Variants in WDR27 observed in about 807,000 individuals in gnomAD.
WDR27 encodes WD repeat domain 27.
In WDR27, 100 loss-of-function variants were observed where a neutral mutation model predicts 114.4. That is an observed-to-expected ratio of 0.87 (90% CI 0.74 to 1.03). The LOEUF (loss-of-function observed/expected upper bound fraction) is 1.03. Among genes scored for constraint, WDR27 ranks in the 50% least tolerant of loss-of-function variants. WDR27 has a pLI of 0.00. For synonymous variants in WDR27, 449 were observed against 423.1 expected, an observed-to-expected ratio of 1.06 and a Z score of -0.75; for missense variants, 1,129 against 1,092.9, an observed-to-expected ratio of 1.03 and a Z score of -0.47.
chr6:169,669,301 C>G (rs868745777), intron 4 of WDR27, among the ~76,000 whole-genome samples: 1 of 152,196 alleles, frequency 6.6e-6, no homozygotes, highest in African/African-American at 2.4e-5. Flanking sequence ...TCATTCTCCC[C>G]GAGTGAAGTG....
At chr6:169,499,581 TAA>T (rs1790861674) in intron 25 of WDR27, among the ~76,000 whole-genome samples, 1 of 152,230 alleles carries the variant, frequency 6.6e-6, no homozygotes, top group African/African-American at 2.4e-5. Context: ...CCTCCCCACC[TAA>T]GACAGCCAGA....
intron 18 of WDR27, among the ~76,000 whole-genome samples, chr6:169,638,208 C>T (rs1401780183): frequency 1.7e-5 from 2 of 117,468 alleles, no homozygotes; most frequent in African/African-American, 4.3e-5. Flanking sequence ...CCCAGCTACT[C>T]GGGAGGCTGA....
At chr6:169,528,484 C>A (rs1041373938) in intron 25 of WDR27, among the ~76,000 whole-genome samples, 1 of 152,176 alleles carries the variant, frequency 6.6e-6, no homozygotes, top group African/African-American at 2.4e-5. Flanking sequence ...GCCCATCCAG[C>A]CTGGGCAAAC....
chr6:169,589,724 A>G (rs1223380261), intron 23 of WDR27, among the ~76,000 whole-genome samples: 1 of 152,228 alleles, frequency 6.6e-6, no homozygotes, highest in Non-Finnish European at 1.5e-5. Flanking sequence ...TGTCATAAAT[A>G]CAGAAGGACA....
rs373371665 is a variant in WDR27, at chr6:169,627,309, A to G, written c.2223+5638T>C. ...TAATTATGCTACAAATTCACTTCCT[A>G]TATCTTCGTTCTCCAAGTCAATGCC... On this transcript the variant is annotated intron_variant, in intron 21 of 25. Transcript: ENST00000448612. Among the ~76,000 whole-genome samples the G allele has an allele frequency of 4.6e-5, 7 of 152,352 alleles. No homozygotes were observed. The East Asian group carries it at 1.2e-3, about 25-fold the overall frequency.
chr6:169,658,451 T>A (rs1188414580), intron 12 of WDR27, 93 bp from the exon 13 acceptor site: 1 of 926,292 alleles, frequency 1.1e-6, no homozygotes, highest in Non-Finnish European at 1.7e-6. Flanking sequence ...CAGTTCCAAA[T>A]GACTGATTCC....
chr6:169,605,151 A>C (rs1214749211), intron 22 of WDR27, among the ~76,000 whole-genome samples: 2 of 142,050 alleles, frequency 1.4e-5, no homozygotes, highest in African/African-American at 5.1e-5. Context: ...GAAGCATCCA[A>C]ATTGGTAAAG....
chr6:169,691,944 G>A (rs1585200214), intron 1 of WDR27, among the ~76,000 whole-genome samples: 2 of 152,174 alleles, frequency 1.3e-5, no homozygotes, highest in Non-Finnish European at 2.9e-5. Flanking sequence ...AAGAACCACT[G>A]CAGGAATGTA....
At position 169,474,950 on chromosome 6, in the gene WDR27, T is replaced by C. The variant is rs1786935849; in HGVS notation, c.2646-17316A>G. ...AAATTCGGTTTCAGTTAGTGTTCAG[T>C]GAGGTACAACAAGTGTAGAGAAGAG... On this transcript the variant is annotated intron_variant, in intron 25 of 25. Transcript: ENST00000448612. 2.0e-5 allele frequency among the ~76,000 whole-genome samples: 3 copies of C among 152,256 alleles called. No individual in the cohort carries two copies. In the East Asian group the frequency reaches 5.8e-4, roughly 29 times the overall value.
At chr6:169,621,835 C>A (rs138990719) in intron 21 of WDR27, among the ~76,000 whole-genome samples, 2 of 152,138 alleles carry the variant, frequency 1.3e-5, no homozygotes, top group Admixed American at 1.3e-4. Flanking sequence ...CACGTATTCA[C>A]GCATATACAC....
chr6:169,540,888 C>A, intron 25 of WDR27, among the ~76,000 whole-genome samples: 1 of 152,242 alleles, frequency 6.6e-6, no homozygotes, highest in South Asian at 2.1e-4. Flanking sequence ...GATTCTGTGC[C>A]TTCTCTGTTC....
At chr6:169,669,150 T>C (rs1209382326) in intron 4 of WDR27, among the ~76,000 whole-genome samples, 1 of 152,208 alleles carries the variant, frequency 6.6e-6, no homozygotes, top group Non-Finnish European at 1.5e-5. Flanking sequence ...GATTAAAAAG[T>C]GCCTTTTACC....
chr6:169,464,616 A>G (rs1426067028), intron 25 of WDR27, among the ~76,000 whole-genome samples: 2 of 152,214 alleles, frequency 1.3e-5, no homozygotes, highest in African/African-American at 4.8e-5. Flanking sequence ...ATATTTGCAA[A>G]TCATCTACCT....
At chr6:169,660,290 C>G (rs1011113573) in intron 10 of WDR27, among the ~76,000 whole-genome samples, 3 of 152,094 alleles carry the variant, frequency 2.0e-5, no homozygotes, top group African/African-American at 7.2e-5. Flanking sequence ...GCGCCTCGGC[C>G]GGGTTTACGC....
intron 13 of WDR27, among the ~76,000 whole-genome samples, chr6:169,652,742 T>C (rs1822946109): frequency 6.6e-6 from 1 of 152,266 alleles, no homozygotes; most frequent in Non-Finnish European, 1.5e-5. Flanking sequence ...CATGTTAAAA[T>C]TTAATCACTT....
chr6:169,642,988 C>T (rs888109095), intron 17 of WDR27, among the ~76,000 whole-genome samples: 11 of 152,164 alleles, frequency 7.2e-5, no homozygotes, highest in African/African-American at 2.2e-4. Flanking sequence ...GATGCTTCAA[C>T]GAGCATCTCC....
At chr6:169,567,208 T>C (rs952522293) in intron 25 of WDR27, among the ~76,000 whole-genome samples, 2 of 152,192 alleles carry the variant, frequency 1.3e-5, no homozygotes, top group Admixed American at 6.5e-5. Context: ...TCTGGCATCA[T>C]GTAGGTCAGT....
chr6:169,658,196 G>C, intron 13 of WDR27, 80 bp downstream of exon 13: 1 of 1,122,266 alleles, frequency 8.9e-7, no homozygotes, highest in South Asian at 1.4e-5. Context: ...ATAAGAATTC[G>C]CAAAGCAATG....
rs199557338 is a variant in WDR27, at chr6:169,659,430, G to A, written c.1197+21C>T. 3 of 1,603,596 alleles carry A rather than the reference G, an allele frequency of 1.9e-6. No individual in the cohort carries two copies. The African/African-American group carries it at 4.0e-5, about 21-fold the overall frequency. Reference sequence around the variant, plus strand: ...CAGAGGCACGTCTCATAGACAGGGAGGGCCGCGTCTCAGGACTGACCTTTT... The same window carrying A: ...CAGAGGCACGTCTCATAGACAGGGAAGGCCGCGTCTCAGGACTGACCTTTT... On this transcript the variant is annotated intron_variant, in intron 11 of 25. Transcript: ENST00000448612. This position sits in a 1 kb window ranked among gnomAD's most constrained non-coding sequence, Gnocchi z 4.3.
Sources: allele counts gnomAD v4.1 joint callset (sites outside exome capture counted in the v4.1 genomes callset), GRCh38; gene constraint gnomAD v4.1.1; non-coding constraint Gnocchi (gnomAD v3.1); transcripts MANE v1.5; gene names NCBI Gene and HGNC (gene_info 2026-07-23, HGNC 2026-07-21).